Variants in DFFA observed in about 807,000 individuals in gnomAD.
The protein encoded by DFFA is DFF45.
A neutral mutation model predicts 28.0 loss-of-function variants in DFFA; 14 were observed. That is an observed-to-expected ratio of 0.50 (90% confidence interval 0.33 to 0.78). The LOEUF (loss-of-function observed/expected upper bound fraction) is 0.78, where lower values mean the gene tolerates loss of function less well. Among genes scored for constraint, DFFA ranks in the 30% least tolerant of loss-of-function variants. The pLI is 0.02. For synonymous variants in DFFA, 158 were observed against 170.3 expected, an observed-to-expected ratio of 0.93 and a Z score of 0.56; for missense variants, 395 against 407.1, an observed-to-expected ratio of 0.97 and a Z score of 0.26.
intron 5 of DFFA, 99 bp from the exon 6 acceptor site, chr1:10,461,801 G>A (rs1335883198): frequency 1.0e-5 from 16 of 1,529,588 alleles, no homozygotes; most frequent in African/African-American, 5.5e-5. Context: ...GGCAGTATCC[G>A]TTTATGTTAC....
At chr1:10,471,457 T>C (rs1354982489) in intron 1 of DFFA, among the ~76,000 whole-genome samples, 1 of 152,136 alleles carries the variant, frequency 6.6e-6, no homozygotes, top group Non-Finnish European at 1.5e-5. Flanking sequence ...AAAAAATACA[T>C]AAATGCTTAT....
intron 3 of DFFA, among the ~76,000 whole-genome samples, chr1:10,465,500 G>A (rs1641008279): frequency 1.3e-5 from 2 of 151,972 alleles, no homozygotes; most frequent in South Asian, 4.2e-4. Context: ...TCTTGACCTT[G>A]TGATCCACCC....
In DFFA at chr1:10,456,711, A is replaced by G. The variant is rs961474844; in HGVS notation, c.*4779T>C. ...AATTAAAGGTTGGTAAGTGGTAATT[A>G]GCGTAGCTCCTGTCAAAGCCAGTTG... On this transcript the variant is annotated 3_prime_UTR_variant, in exon 6 of 6. Transcript: ENST00000377038. 3.3e-5 allele frequency: 5 copies of G among 152,200 alleles called. No individual in the cohort carries two copies. The highest frequency in any genetic ancestry group is 2.1e-4 in the South Asian group (1 of 4,832). The allele number at this position is 152,200 out of a possible 1,614,324, so 9.4% of individuals were successfully genotyped here. A position where few individuals can be genotyped will look rare whatever the true frequency, so the allele number is the denominator to read the frequency against.
In DFFA at chr1:10,463,331, G is replaced by A. The variant is rs771968518; in HGVS notation, c.631+100C>T. 7.8e-6 allele frequency: 12 copies of A among 1,542,306 alleles called. No homozygotes were observed. In the Admixed American group the frequency reaches 9.0e-5, roughly 12 times the overall value. Reference sequence around the variant, plus strand: ...GCCCGTCCCGCATCCCAGCAGCCGCGGCTTCAGTGGCCCTGGCTACATCAC... The same window carrying A: ...GCCCGTCCCGCATCCCAGCAGCCGCAGCTTCAGTGGCCCTGGCTACATCAC... On this transcript the variant is annotated intron_variant, in intron 4 of 5. Transcript: ENST00000377038.
At chr1:10,464,606 T>C (rs184020083) in intron 3 of DFFA, among the ~76,000 whole-genome samples, 379 of 152,136 alleles carry the variant, frequency 2.5e-3, no homozygotes, top group Non-Finnish European at 4.2e-3. Flanking sequence ...TCCCAGCTAC[T>C]TGGAAGGCTG....
In DFFA at chr1:10,463,148, G is replaced by A. The variant is rs1479394143; in HGVS notation, c.693C>T (p.Thr231=). 4 of 1,613,970 alleles carry A rather than the reference G, an allele frequency of 2.5e-6. No homozygotes were observed. Among genetic ancestry groups the A allele is most frequent in the African/African-American group, 2.7e-5 (2 of 74,888 alleles). Residue 231 remains threonine (T), a synonymous_variant, in exon 5 of 6, where the codon ACC becomes ACT. Coordinates refer to ENST00000377038, the MANE Select transcript of DFFA (RefSeq NM_004401.3). ...GGCTCGCCAGCGCAACGTCCGAGGA[G>A]GTCTCTCTGCTGATACCCGTGTCTA... ...DAVDTGISRE[T]SSDVALASHI...
chr1:10,467,305 T>C lies in DFFA; in HGVS notation c.326A>G (p.Glu109Gly), dbSNP rs138579895. 3 of 1,614,118 alleles carry C rather than the reference T, an allele frequency of 1.9e-6. No individual in the cohort carries two copies. Among genetic ancestry groups the C allele is most frequent in the Middle Eastern group, 3.3e-4 (2 of 6,062 alleles). The part of the protein sequence containing the change: ...SDGGTAWISQ[E>G]SFDVDETDSG... The stretch of plus-strand genomic sequence containing the variant: ...GTCTGTTTCATCTACATCAAAGGAC[T>C]CTTGGGAAATCCAAGCTGTACCTCC... The change falls in exon 3 of 6, where the codon GAG becomes GGG. Residue 109 changes from glutamate (E) to glycine (G), a missense_variant. By Grantham distance (98) the Glu-to-Gly change is moderately conservative. Transcript: ENST00000377038.
At chr1:10,465,581 C>T (rs781200619) in intron 3 of DFFA, among the ~76,000 whole-genome samples, 8 of 151,996 alleles carry the variant, frequency 5.3e-5, no homozygotes, top group Non-Finnish European at 1.0e-4. Context: ...TTAGTAAAGA[C>T]GGGGTTTCAC....
At position 10,472,423 on chromosome 1, in the gene DFFA, A is replaced by C. The variant is rs765089819; in HGVS notation, c.36T>G (p.Ser12=). 8.1e-6 allele frequency: 13 copies of C among 1,611,548 alleles called. No homozygotes were observed. In the South Asian group the frequency reaches 1.4e-4, roughly 18 times the overall value. ...ACGGCTTTAGAGTCCGGATCTCGCC[A>C]GATTCTGGTACCCCGGCGTCCCCGG... ...EVTGDAGVPE[S]GEIRTLKPCL... Residue 12 remains serine, a synonymous_variant, in exon 1 of 6, where the codon TCT becomes TCG. Transcript: ENST00000377038. This position sits in a 1 kb window ranked among gnomAD's most constrained non-coding sequence, Gnocchi z 5.0.
Position 10,460,828 on chromosome 1 carries a change from T to G in DFFA, c.*662A>C, listed in dbSNP as rs1640919683. On this transcript the variant is annotated 3_prime_UTR_variant, in exon 6 of 6. Transcript: ENST00000377038. The stretch of plus-strand genomic sequence containing the variant: ...CAAGCGTGAGCCAACACGCTCGGCC[T>G]GGCTTTTTTTTTTTTTAACATGTTC... The G allele has an allele frequency of 7.1e-6, 1 of 141,002 alleles. No homozygotes were observed. The highest frequency in any genetic ancestry group is 1.6e-5 in the Non-Finnish European group (1 of 62,100). 8.7% of individuals were successfully genotyped at this position (141,002 alleles called of 1,614,324 possible).
At position 10,472,054 on chromosome 1, in the gene DFFA, T is replaced by C. The variant is rs111495326; in HGVS notation, c.136+269A>G. ...CGTTTGGTCCAACATCGAAGTGATT[T>C]CAGGCAAGAGACCTAAGCCGAGTCT... On this transcript the variant is annotated intron_variant, in intron 1 of 5. Transcript: ENST00000377038. The surrounding 1 kb of genome is among the most constrained non-coding windows in gnomAD (Gnocchi z 5.0). Among the ~76,000 whole-genome samples, 1,794 of 152,252 alleles carry C rather than the reference T, an allele frequency of 0.012. 29 individuals are homozygous for C. Among genetic ancestry groups the C allele is most frequent in the African/African-American group, 0.04 (1,680 of 41,542 alleles).
At position 10,469,909 on chromosome 1, in the gene DFFA, C is replaced by G. The variant is rs569788970; in HGVS notation, c.137-571G>C. Among the ~76,000 whole-genome samples the G allele has an allele frequency of 4.0e-5, 6 of 151,290 alleles. No individual in the cohort carries two copies. The Admixed American group carries it at 4.0e-4, about 10-fold the overall frequency. On this transcript the variant is annotated intron_variant, in intron 1 of 5. Transcript: ENST00000377038. ...TTGGTTCACAGCAACCTCCGCCTCC[C>G]GGGTTCAAGCAACTCTCTGCCTTAG... is the stretch of plus-strand genomic sequence containing the variant.
chr1:10,467,672 A>G (rs1641042034), intron 2 of DFFA, among the ~76,000 whole-genome samples: 1 of 151,930 alleles, frequency 6.6e-6, no homozygotes, highest in Non-Finnish European at 1.5e-5. Flanking sequence ...CACCATGACC[A>G]GCTAATTTTG....
intron 5 of DFFA, among the ~76,000 whole-genome samples, chr1:10,462,213 G>A (rs1487144014): frequency 1.3e-5 from 2 of 152,188 alleles, no homozygotes; most frequent in Non-Finnish European, 2.9e-5. Flanking sequence ...CTGGAGTGCA[G>A]TGGCGCGATC....
In DFFA at chr1:10,465,132, G is replaced by A. The variant is rs1391901674; in HGVS notation, c.442-1512C>T. ...TTTTTTTGAGACTGAGTCTTGCTCT[G>A]TCACCAGGTTGGAGTGCAATGACGT... On this transcript the variant is annotated intron_variant, in intron 3 of 5. Transcript: ENST00000377038. Among the ~76,000 whole-genome samples the A allele has an allele frequency of 2.6e-5, 4 of 152,142 alleles. No homozygotes were observed. In the East Asian group the frequency reaches 7.7e-4, roughly 29 times the overall value.
Position 10,459,731 on chromosome 1 carries a change from A to G in DFFA, c.*1759T>C, listed in dbSNP as rs7549344. The G allele has an allele frequency of 1.4e-5, 2 of 141,274 alleles. No individual in the cohort carries two copies. The highest frequency in any genetic ancestry group is 3.1e-5 in the Non-Finnish European group (2 of 65,242). 8.8% of individuals were successfully genotyped at this position (141,274 alleles called of 1,614,324 possible). ...ATTGCCCTTGATGGTTACCTTTTTAAAAAAAAAAAAAAAAAAGTAGGGTCT... is the reference window on the plus strand; with the variant it reads ...ATTGCCCTTGATGGTTACCTTTTTAGAAAAAAAAAAAAAAAAGTAGGGTCT... On this transcript the variant is annotated 3_prime_UTR_variant, in exon 6 of 6. Transcript: ENST00000377038.
In DFFA at chr1:10,463,670, T is replaced by C. The variant is rs777546137; in HGVS notation, c.442-50A>G. Reference sequence around the variant, plus strand: ...GAAATCTACAGGGACTTTCTGACTTTCTTTTTTTTTTTTGAGACGGAGTCT... The same window carrying C: ...GAAATCTACAGGGACTTTCTGACTTCCTTTTTTTTTTTTGAGACGGAGTCT... On this transcript the variant is annotated intron_variant, in intron 3 of 5. Transcript: ENST00000377038. 4 of 1,534,668 alleles carry C rather than the reference T, an allele frequency of 2.6e-6. No individual in the cohort carries two copies. The African/African-American group carries it at 5.6e-5, about 21-fold the overall frequency.
Position 10,461,243 on chromosome 1 carries a change from T to G in DFFA, c.*247A>C. The G allele has an allele frequency of 2.0e-6, 1 of 508,560 alleles. No homozygotes were observed. The highest frequency in any genetic ancestry group is 3.3e-5 in the Admixed American group (1 of 30,474). The allele number at this position is 508,560 out of a possible 1,614,324, so 31.5% of individuals were successfully genotyped here. The stretch of plus-strand genomic sequence containing the variant: ...AATTACTTTTGAACAGAGAACATCA[T>G]ATGTAATTAGAGGAGGCGGGATATT... On this transcript the variant is annotated 3_prime_UTR_variant, in exon 6 of 6. Coordinates refer to ENST00000377038, the MANE Select transcript of DFFA (RefSeq NM_004401.3).
intron 3 of DFFA, among the ~76,000 whole-genome samples, chr1:10,465,411 GC>G (rs1423015638): frequency 6.6e-6 from 1 of 152,086 alleles, no homozygotes; most frequent in Non-Finnish European, 1.5e-5. Flanking sequence ...GATTACAGGT[GC>G]TTGCCGCCAC....
Sources: gnomAD v4.1 joint callset for allele counts (sites outside exome capture counted in the v4.1 genomes callset) on GRCh38, gnomAD v4.1.1 for gene constraint, Gnocchi (gnomAD v3.1) non-coding constraint, MANE v1.5 for transcripts, NCBI Gene and HGNC (gene_info 2026-07-23, HGNC 2026-07-21) for gene names.